Variants in HDAC4 observed in about 807,000 individuals in gnomAD.
The protein encoded by HDAC4 is histone deacetylase 4, also known as histone deacetylase A.
HDAC4 carries 16 observed loss-of-function variants against 135.1 expected under a neutral mutation model. That is an observed-to-expected ratio of 0.12 (90% CI 0.08 to 0.18). The LOEUF (loss-of-function observed/expected upper bound fraction) is 0.18, where lower values mean the gene tolerates loss of function less well. Ranked by LOEUF, HDAC4 falls within the 10% of genes least tolerant of loss-of-function variation. The probability of loss-of-function intolerance (pLI) is 1.00; values close to 1 mark genes in which losing one functional copy is unlikely to be tolerated. For missense variants in HDAC4, 1,143 were observed against 1,511.8 expected, an observed-to-expected ratio of 0.76 and a Z score of 4.05; for synonymous variants, 685 against 653.4, an observed-to-expected ratio of 1.05 and a Z score of -0.74.
At chr2:239,107,220 C>A (rs1051614265) in intron 15 of HDAC4, among the ~76,000 whole-genome samples, 2 of 152,218 alleles carry the variant, frequency 1.3e-5, no homozygotes, top group Non-Finnish European at 2.9e-5. Flanking sequence ...CACCAAAGTG[C>A]GGCCCCCGTC....
chr2:239,057,829 T>C (rs968131427), intron 24 of HDAC4, among the ~76,000 whole-genome samples: 1 of 152,072 alleles, frequency 6.6e-6, no homozygotes, highest in African/African-American at 2.4e-5. Flanking sequence ...TGAGAAGGAA[T>C]GATGAGCCAA....
At chr2:239,399,842 CTT>C (rs967575451) in intron 1 of HDAC4, among the ~76,000 whole-genome samples, 13 of 152,186 alleles carry the variant, frequency 8.5e-5, no homozygotes, top group East Asian at 3.8e-4. Context: ...TTTAAAATAA[CTT>C]AAGTTTAATT....
chr2:239,098,642 T>C (rs757435031), intron 16 of HDAC4, among the ~76,000 whole-genome samples: 20 of 152,194 alleles, frequency 1.3e-4, no homozygotes, highest in Non-Finnish European at 2.8e-4. Context: ...TCTCACCACA[T>C]CAGAAAGGAA....
At position 239,386,513 on chromosome 2, in the gene HDAC4, C is replaced by T. The variant is rs1695819863; in HGVS notation, c.-220+14465G>A. The stretch of plus-strand genomic sequence containing the variant: ...GGCCGGCCAGGGGAGGGTGCGAGGC[C>T]TCTGGAGCCCACGGATGTTGGTGGG... On this transcript the variant is annotated intron_variant, in intron 1 of 26. Transcript: ENST00000543185. Among the ~76,000 whole-genome samples, 2 of 152,144 alleles carry T rather than the reference C, an allele frequency of 1.3e-5. 1 individual carries two copies. The highest frequency in any genetic ancestry group is 3.9e-4 in the East Asian group (2 of 5,182).
At chr2:239,301,467 CTTTCT>C (rs1314237356) in intron 2 of HDAC4, among the ~76,000 whole-genome samples, 8 of 130,258 alleles carry the variant, frequency 6.1e-5, no homozygotes, top group African/African-American at 1.4e-4. Flanking sequence ...CTGGTGCTTT[CTTTCT>C]TTTTTTTTTT....
At chr2:239,074,465 T>C (rs1434988748) in intron 22 of HDAC4, among the ~76,000 whole-genome samples, 1 of 152,246 alleles carries the variant, frequency 6.6e-6, no homozygotes, top group African/African-American at 2.4e-5. Flanking sequence ...GTCTCTGCTG[T>C]CTAGGCTTGG....
At chr2:239,164,424 C>A (rs1180514130) in intron 5 of HDAC4, among the ~76,000 whole-genome samples, 2 of 152,266 alleles carry the variant, frequency 1.3e-5, no homozygotes, top group African/African-American at 4.8e-5. Flanking sequence ...AAGGGCAGCG[C>A]CTGTCCTCCC....
rs893041483 is a variant in HDAC4, at chr2:239,167,296, G to A, written c.491-3373C>T. Among the ~76,000 whole-genome samples, 4 of 152,148 alleles carry A rather than the reference G, an allele frequency of 2.6e-5. No homozygotes were observed. The highest frequency in any genetic ancestry group is 2.1e-4 in the South Asian group (1 of 4,830). On this transcript the variant is annotated intron_variant, in intron 5 of 26. Coordinates refer to ENST00000543185, the MANE Select transcript of HDAC4 (RefSeq NM_001378414.1). This position sits in a 1 kb window ranked among gnomAD's most constrained non-coding sequence, Gnocchi z 4.1. ...GAACAGGACCCACTTTATGACCCAC[G>A]TCCTCTCCCTGCTTCTGCAAACACC...
intron 22 of HDAC4, among the ~76,000 whole-genome samples, chr2:239,073,488 C>T (rs996438265): frequency 2.0e-5 from 3 of 152,234 alleles, no homozygotes; most frequent in Admixed American, 6.5e-5. Flanking sequence ...GACAGTGCAT[C>T]GGCGTGCGAG....
intron 22 of HDAC4, among the ~76,000 whole-genome samples, chr2:239,078,494 A>C (rs1383919256): frequency 6.6e-6 from 1 of 152,200 alleles, no homozygotes; most frequent in Non-Finnish European, 1.5e-5. Flanking sequence ...GGGAACCATA[A>C]ATTGTAAACT....
intron 5 of HDAC4, among the ~76,000 whole-genome samples, chr2:239,175,403 G>T (rs2043697615): frequency 2.6e-5 from 4 of 152,200 alleles, no homozygotes; most frequent in Admixed American, 2.6e-4. Flanking sequence ...GGAGCCCACG[G>T]GTCATCGTCC....
intron 6 of HDAC4, 151 bp from the exon 7 acceptor site, chr2:239,156,924 A>G (rs2042460290): frequency 4.5e-6 from 4 of 895,902 alleles, no homozygotes; most frequent in Non-Finnish European, 7.1e-6. Context: ...AGCTGAAATT[A>G]AATGGAAACA....
In HDAC4 at chr2:239,058,213, T is replaced by C. The variant is rs182378893; in HGVS notation, c.3004-3380A>G. Among the ~76,000 whole-genome samples the C allele has an allele frequency of 2.5e-3, 381 of 152,138 alleles. 1 individual carries two copies. Among genetic ancestry groups the C allele is most frequent in the Admixed American group, 3.8e-3 (58 of 15,280 alleles). ...CAATACATGCTCCAATTGTTAAAGA[T>C]GACGAATGAAAAACAAGAAAATAGG... On this transcript the variant is annotated intron_variant, in intron 24 of 26. Transcript: ENST00000543185.
intron 2 of HDAC4, among the ~76,000 whole-genome samples, chr2:239,295,746 C>T (rs1425456406): frequency 6.6e-6 from 1 of 152,190 alleles, no homozygotes; most frequent in African/African-American, 2.4e-5. Context: ...CTCACCAAAA[C>T]CACCACCACC....
intron 3 of HDAC4, among the ~76,000 whole-genome samples, chr2:239,216,440 C>T (rs2046645152): frequency 1.3e-5 from 2 of 152,318 alleles, no homozygotes; most frequent in Admixed American, 6.5e-5. Flanking sequence ...CCCTACCAGC[C>T]CTGATCTTGC....
At chr2:239,169,161 G>A (rs2043293440) in intron 5 of HDAC4, among the ~76,000 whole-genome samples, 1 of 152,154 alleles carries the variant, frequency 6.6e-6, no homozygotes. Context: ...GTTAGTTGTG[G>A]CACAAATCAC....
At chr2:239,171,712 A>C (rs2043464140) in intron 5 of HDAC4, among the ~76,000 whole-genome samples, 1 of 152,210 alleles carries the variant, frequency 6.6e-6, no homozygotes, top group Non-Finnish European at 1.5e-5. Context: ...CACATTAAAG[A>C]AGAACTTCAA....
Position 239,139,112 on chromosome 2 carries a change from C to T in HDAC4, c.978+572G>A, listed in dbSNP as rs541040969. 2.0e-5 allele frequency among the ~76,000 whole-genome samples: 3 copies of T among 152,338 alleles called. No homozygotes were observed. The highest frequency in any genetic ancestry group is 6.5e-5 in the Admixed American group (1 of 15,298). ...TCTGCGGTCTGAGATGCCTGGTTCCCGTGATGCCTGGAAAAGTTCCCCGCT... is the reference window on the plus strand; with the variant it reads ...TCTGCGGTCTGAGATGCCTGGTTCCTGTGATGCCTGGAAAAGTTCCCCGCT... On this transcript the variant is annotated intron_variant, in intron 9 of 26. Coordinates refer to ENST00000543185, the MANE Select transcript of HDAC4 (RefSeq NM_001378414.1). This position sits in a 1 kb window ranked among gnomAD's most constrained non-coding sequence, Gnocchi z 5.3.
chr2:239,252,233 T>C (rs1254721339), intron 2 of HDAC4, among the ~76,000 whole-genome samples: 1 of 152,188 alleles, frequency 6.6e-6, no homozygotes, highest in East Asian at 1.9e-4. Context: ...CCCAGGAGCC[T>C]GTGATGCCAC....
Sources: gnomAD v4.1 joint callset for allele counts (sites outside exome capture counted in the v4.1 genomes callset) on GRCh38, gnomAD v4.1.1 for gene constraint, Gnocchi (gnomAD v3.1) non-coding constraint, MANE v1.5 for transcripts, NCBI Gene and HGNC (gene_info 2026-07-23, HGNC 2026-07-21) for gene names.